Variants in CSMD1 observed in about 807,000 individuals in gnomAD.
The protein encoded by CSMD1 is CUB and sushi domain-containing protein 1.
Under a neutral mutation model 417.5 loss-of-function variants are expected in CSMD1, and 213 were observed. The observed-to-expected ratio is 0.51, with a 90% CI of 0.46 to 0.57. The LOEUF is 0.57. Among genes scored for constraint, CSMD1 ranks in the 20% least tolerant of loss-of-function variants. The pLI is 0.00. For missense variants in CSMD1, 6,923 were observed against 4,529.7 expected, an observed-to-expected ratio of 1.53 and a Z score of -15.17; for synonymous variants, 2,862 against 1,736.8, an observed-to-expected ratio of 1.65 and a Z score of -16.11.
intron 12 of CSMD1, among the ~76,000 whole-genome samples, chr8:3,439,281 G>GTGTGTATATA (rs1407744154): frequency 2.2e-4 from 12 of 54,328 alleles, no homozygotes; most frequent in South Asian, 7.8e-4. Flanking sequence ...GGCAATGTCA[G>GTGTGTATATA]TATATATATA....
intron 1 of CSMD1, among the ~76,000 whole-genome samples, chr8:4,838,659 G>A (rs1800648124): frequency 1.3e-5 from 2 of 152,194 alleles, no homozygotes; most frequent in Admixed American, 1.3e-4. Context: ...CAGACGCGGA[G>A]GTGGGATGAG....
At chr8:4,899,331 G>C (rs1425787086) in intron 1 of CSMD1, among the ~76,000 whole-genome samples, 1 of 49,302 alleles carries the variant, frequency 2.0e-5, no homozygotes, top group Non-Finnish European at 3.6e-5. Flanking sequence ...AATTGAAGTG[G>C]CATACACTAA....
intron 25 of CSMD1, among the ~76,000 whole-genome samples, chr8:3,298,652 C>G (rs549695607): frequency 3.9e-5 from 6 of 152,272 alleles, no homozygotes; most frequent in East Asian, 1.9e-4. Flanking sequence ...CGGAGTTTCA[C>G]CATGTTGATC....
rs191703835 is a variant in CSMD1, at chr8:4,189,877, G to C, written c.416-157778C>G. ...TATTTTTTGTGGTACGTAATACATAGCCTTGAATCATTTCTAAGCCATTGA... is the reference window on the plus strand; with the variant it reads ...TATTTTTTGTGGTACGTAATACATACCCTTGAATCATTTCTAAGCCATTGA... On this transcript the variant is annotated intron_variant, in intron 3 of 69. Coordinates refer to ENST00000635120, the MANE Select transcript of CSMD1 (RefSeq NM_033225.6). 4.2e-3 allele frequency among the ~76,000 whole-genome samples: 634 copies of C among 152,048 alleles called. 4 individuals are homozygous for C. The highest frequency in any genetic ancestry group is 0.01 in the Middle Eastern group (3 of 292).
At chr8:4,001,158 A>C (rs747765254) in intron 4 of CSMD1, among the ~76,000 whole-genome samples, 1 of 152,214 alleles carries the variant, frequency 6.6e-6, no homozygotes, top group African/African-American at 2.4e-5. Context: ...AGTCGTATTT[A>C]TGTGCATGGT....
chr8:3,905,739 C>T lies in CSMD1; in HGVS notation c.818+92164G>A, dbSNP rs975523896. 4.6e-5 allele frequency among the ~76,000 whole-genome samples: 7 copies of T among 152,288 alleles called. No individual in the cohort carries two copies. The South Asian group carries it at 1.0e-3, about 23-fold the overall frequency. ...TCCAAGTCCACGCAGATAATAGACT[C>T]GTCTTAAAATTGGATGCTCATCACC... On this transcript the variant is annotated intron_variant, in intron 5 of 69. Transcript: ENST00000635120.
At chr8:4,243,369 C>CA (rs1166681647) in intron 3 of CSMD1, among the ~76,000 whole-genome samples, 1 of 152,010 alleles carries the variant, frequency 6.6e-6, no homozygotes, top group Non-Finnish European at 1.5e-5. Flanking sequence ...GAGAGGGGCC[C>CA]AAAAAACAGC....
chr8:3,717,005 T>A (rs1404166211), intron 6 of CSMD1, among the ~76,000 whole-genome samples: 1 of 152,130 alleles, frequency 6.6e-6, no homozygotes, highest in East Asian at 1.9e-4. Flanking sequence ...TACAAAGAAC[T>A]TAAAAAATAA....
intron 1 of CSMD1, among the ~76,000 whole-genome samples, chr8:4,722,484 T>G (rs1444456118): frequency 6.6e-6 from 1 of 152,148 alleles, no homozygotes; most frequent in Non-Finnish European, 1.5e-5. Context: ...CACTATATCC[T>G]GCTTCCATTA....
chr8:4,042,955 A>T (rs1034662164), intron 3 of CSMD1, among the ~76,000 whole-genome samples: 2 of 150,516 alleles, frequency 1.3e-5, no homozygotes, highest in African/African-American at 4.9e-5. Flanking sequence ...GCAAAAACCC[A>T]CCTCTACTAA....
At chr8:4,264,668 G>A (rs571498432) in intron 3 of CSMD1, among the ~76,000 whole-genome samples, 2 of 152,142 alleles carry the variant, frequency 1.3e-5, no homozygotes, top group African/African-American at 4.8e-5. Context: ...ATTCACCGAG[G>A]TGGTCATCCC....
chr8:4,305,929 A>C (rs1311733825), intron 3 of CSMD1, among the ~76,000 whole-genome samples: 3 of 152,156 alleles, frequency 2.0e-5, no homozygotes, highest in African/African-American at 7.2e-5. Context: ...TATAACCTTT[A>C]TTTAATAAAC....
intron 5 of CSMD1, among the ~76,000 whole-genome samples, chr8:3,826,693 C>A (rs1332265228): frequency 6.6e-6 from 1 of 152,114 alleles, no homozygotes; most frequent in Non-Finnish European, 1.5e-5. Context: ...CTGACTTGGT[C>A]CTTGATAATT....
intron 5 of CSMD1, among the ~76,000 whole-genome samples, chr8:3,781,021 T>C (rs531409621): frequency 1.3e-5 from 2 of 152,274 alleles, no homozygotes; most frequent in East Asian, 1.9e-4. Context: ...ATAAAGTATT[T>C]CGTAGGGGAA....
At position 3,708,951 on chromosome 8, in the gene CSMD1, C is replaced by T. The variant is rs562973060; in HGVS notation, c.932-460G>A. On this transcript the variant is annotated intron_variant, in intron 6 of 69. Coordinates refer to ENST00000635120, the MANE Select transcript of CSMD1 (RefSeq NM_033225.6). Reference sequence around the variant, plus strand: ...ATATATTCATTTACTCACAGTTTAGCGAATCTGTGTGGGTGGGGAGCAAGT... The same window carrying T: ...ATATATTCATTTACTCACAGTTTAGTGAATCTGTGTGGGTGGGGAGCAAGT... Among the ~76,000 whole-genome samples, 175 of 152,176 alleles carry T rather than the reference C, an allele frequency of 1.1e-3. 3 individuals carry two copies. The Middle Eastern group carries it at 0.024, about 21-fold the overall frequency.
intron 3 of CSMD1, among the ~76,000 whole-genome samples, chr8:4,163,831 T>C (rs6981464): frequency 5.8e-4 from 88 of 152,304 alleles, no homozygotes; most frequent in African/African-American, 1.9e-3. Flanking sequence ...TACCCCTTCA[T>C]CATTAATTCA....
At chr8:4,593,046 T>C (rs1439541280) in intron 2 of CSMD1, among the ~76,000 whole-genome samples, 10 of 152,220 alleles carry the variant, frequency 6.6e-5, no homozygotes. Flanking sequence ...GAGGGGTTTG[T>C]AAATCACTGG....
At chr8:3,072,212 A>C (rs1333765087) in intron 49 of CSMD1, among the ~76,000 whole-genome samples, 1 of 152,190 alleles carries the variant, frequency 6.6e-6, no homozygotes, top group Non-Finnish European at 1.5e-5. Flanking sequence ...TAGAGGTCGA[A>C]AGTTTTGTTT....
intron 10 of CSMD1, among the ~76,000 whole-genome samples, chr8:3,498,209 T>C (rs1796447207): frequency 6.6e-6 from 1 of 152,194 alleles, no homozygotes; most frequent in Non-Finnish European, 1.5e-5. Context: ...ACTTGACTGT[T>C]TTGTCTTGCT....
Sources: allele counts gnomAD v4.1 joint callset (sites outside exome capture counted in the v4.1 genomes callset), GRCh38; gene constraint gnomAD v4.1.1; transcripts MANE v1.5; gene names NCBI Gene and HGNC (gene_info 2026-07-23, HGNC 2026-07-21).